Variants in RXFP1 observed in about 807,000 individuals in gnomAD.
RXFP1 encodes relaxin receptor 1.
A neutral mutation model predicts 89.8 loss-of-function variants in RXFP1; 73 were observed. That is an observed-to-expected ratio of 0.81 (90% CI 0.67 to 0.99). RXFP1 has a LOEUF of 0.99. RXFP1 is among the 50% of genes least tolerant of loss of function. The pLI is 0.00. For missense variants in RXFP1, 793 were observed against 895.5 expected (o/e 0.89, Z 1.46); for synonymous variants, 277 against 305.5 (o/e 0.91, Z 0.97).
intron 2 of RXFP1, among the ~76,000 whole-genome samples, chr4:158,582,241 C>G (rs987996585): frequency 6.6e-6 from 1 of 152,076 alleles, no homozygotes; most frequent in Non-Finnish European, 1.5e-5. Context: ...AAATGTAAAT[C>G]TTCATTTTTC....
chr4:158,612,077 T>C, intron 6 of RXFP1, 53 bp from the exon 7 acceptor site: 2 of 1,396,444 alleles, frequency 1.4e-6, no homozygotes, highest in Non-Finnish European at 2.0e-6. Context: ...ACTTTTCTTA[T>C]TGTAAGACAT....
chr4:158,620,970 T>A (rs935744151), intron 9 of RXFP1, among the ~76,000 whole-genome samples: 17 of 151,714 alleles, frequency 1.1e-4, no homozygotes, highest in East Asian at 1.9e-4. Flanking sequence ...AAATTTTTTT[T>A]AAAAAATTAG....
chr4:158,626,301 T>C (rs2150183285), intron 9 of RXFP1, among the ~76,000 whole-genome samples: 1 of 152,204 alleles, frequency 6.6e-6, no homozygotes, highest in Non-Finnish European at 1.5e-5. Context: ...GTATTCCCAA[T>C]AGTAAAAGAT....
At chr4:158,646,658 A>G in intron 15 of RXFP1, 133 bp from the exon 16 acceptor site, 2 of 1,445,880 alleles carry the variant, frequency 1.4e-6, no homozygotes, top group South Asian at 1.6e-5. Context: ...AATTATTAGG[A>G]GAATAAAAAT....
At chr4:158,545,867 T>G (rs1403975618) in intron 1 of RXFP1, among the ~76,000 whole-genome samples, 1 of 152,220 alleles carries the variant, frequency 6.6e-6, no homozygotes, top group Admixed American at 6.5e-5. Context: ...GTAGTATAGT[T>G]TGAAGTCAGG....
In RXFP1 at chr4:158,646,534, T is replaced by C. The variant is rs549915760; in HGVS notation, c.1346-257T>C. On this transcript the variant is annotated intron_variant, in intron 15 of 17. Transcript: ENST00000307765. The stretch of plus-strand genomic sequence containing the variant: ...GAACAATAGACAAGATCTGTGCTGT[T>C]AGAGACTTGCACTTTAAAGGAAAAT... 11 of 1,297,192 alleles carry C rather than the reference T, an allele frequency of 8.5e-6. No individual in the cohort carries two copies. In the African/African-American group the frequency reaches 1.3e-4, roughly 16 times the overall value. 80.4% of individuals were successfully genotyped at this position (1,297,192 alleles called of 1,614,324 possible).
At chr4:158,540,515 C>T (rs963080934) in intron 1 of RXFP1, among the ~76,000 whole-genome samples, 2 of 151,450 alleles carry the variant, frequency 1.3e-5, no homozygotes, top group East Asian at 1.9e-4. Context: ...GCTTCTGTAC[C>T]GCAACCTGTT....
chr4:158,608,412 G>A (rs1429534674), intron 6 of RXFP1, among the ~76,000 whole-genome samples: 1 of 136,108 alleles, frequency 7.3e-6, no homozygotes, highest in East Asian at 2.2e-4. Flanking sequence ...TCAGCCTCCC[G>A]AATAGCTCCA....
chr4:158,592,925 TAA>T (rs33995741), intron 2 of RXFP1, among the ~76,000 whole-genome samples: 13 of 144,096 alleles, frequency 9.0e-5, no homozygotes, highest in African/African-American at 2.5e-4. Context: ...CCATCTCTAC[TAA>T]AAAAAAAAAA....
At chr4:158,554,402 G>A (rs868133039) in intron 1 of RXFP1, among the ~76,000 whole-genome samples, 2 of 151,878 alleles carry the variant, frequency 1.3e-5, no homozygotes, top group Non-Finnish European at 2.9e-5. Context: ...TCCCAAAGAC[G>A]ACCACTGCTA....
At chr4:158,585,014 G>A (rs1758022461) in intron 2 of RXFP1, among the ~76,000 whole-genome samples, 1 of 152,174 alleles carries the variant, frequency 6.6e-6, no homozygotes, top group Non-Finnish European at 1.5e-5. Context: ...CTAATTCGGT[G>A]CATCTGAAGT....
chr4:158,623,751 C>T (rs918842609), intron 9 of RXFP1, among the ~76,000 whole-genome samples: 4 of 152,012 alleles, frequency 2.6e-5, no homozygotes, highest in African/African-American at 7.3e-5. Flanking sequence ...CTAGGGAGGT[C>T]GAAGTATTAC....
intron 2 of RXFP1, 160 bp downstream of exon 2, chr4:158,572,995 C>T: frequency 9.0e-7 from 1 of 1,106,844 alleles, no homozygotes; most frequent in Non-Finnish European, 1.2e-6. Context: ...TTAAAATATC[C>T]ACTCTTTTCT....
At chr4:158,545,712 T>C (rs1748151804) in intron 1 of RXFP1, among the ~76,000 whole-genome samples, 2 of 152,228 alleles carry the variant, frequency 1.3e-5, no homozygotes, top group Non-Finnish European at 2.9e-5. Context: ...AGGGAATCCT[T>C]TCCCCATTGC....
intron 1 of RXFP1, among the ~76,000 whole-genome samples, chr4:158,545,768 G>A (rs1299364303): frequency 6.6e-5 from 10 of 152,170 alleles, no homozygotes; most frequent in East Asian, 3.9e-4. Context: ...GTAGATATGC[G>A]GCATTATTTC....
intron 1 of RXFP1, among the ~76,000 whole-genome samples, chr4:158,572,095 C>T (rs1233282687): frequency 6.6e-6 from 1 of 152,204 alleles, no homozygotes; most frequent in Non-Finnish European, 1.5e-5. Flanking sequence ...CCTCCTCAAG[C>T]CTCTGTACAA....
intron 2 of RXFP1, among the ~76,000 whole-genome samples, chr4:158,591,418 A>G (rs2150062062): frequency 6.6e-6 from 1 of 152,176 alleles, no homozygotes; most frequent in South Asian, 2.1e-4. Flanking sequence ...TTTCTGGGGC[A>G]CTGTCCCTTG....
In RXFP1 at chr4:158,598,566, T is replaced by C. The variant is rs1311325669; in HGVS notation, c.287-760T>C. Reference sequence around the variant, plus strand: ...TAAATAATAATCTCATTATTCTGTTTAGCTATATGAATACATCATTGCAAA... The same window carrying C: ...TAAATAATAATCTCATTATTCTGTTCAGCTATATGAATACATCATTGCAAA... On this transcript the variant is annotated intron_variant, in intron 3 of 17. Transcript: ENST00000307765. 1.3e-5 allele frequency among the ~76,000 whole-genome samples: 2 copies of C among 152,218 alleles called. 1 individual carries two copies. Among genetic ancestry groups the C allele is most frequent in the Admixed American group, 1.3e-4 (2 of 15,284 alleles).
intron 5 of RXFP1, among the ~76,000 whole-genome samples, chr4:158,605,877 T>C (rs1762462218): frequency 6.6e-6 from 1 of 152,206 alleles, no homozygotes; most frequent in South Asian, 2.1e-4. Context: ...TTGGTTCTTA[T>C]TTTGGTTTTA....
Sources: allele counts gnomAD v4.1 joint callset (sites outside exome capture counted in the v4.1 genomes callset), GRCh38; gene constraint gnomAD v4.1.1; transcripts MANE v1.5; gene names NCBI Gene and HGNC (gene_info 2026-07-23, HGNC 2026-07-21).